ZNF595: variants seen among roughly 807,000 people sequenced by gnomAD.
ZNF595 encodes zinc finger protein 595.
ZNF595 carries 9 observed loss-of-function variants against 19.4 expected under a neutral mutation model. The observed-to-expected ratio is 0.46, with a 90% CI of 0.28 to 0.81. The LOEUF is 0.81. Among genes scored for constraint, ZNF595 ranks in the 30% least tolerant of loss-of-function variants. The probability of loss-of-function intolerance (pLI) is 0.11; values close to 1 mark genes in which losing one functional copy is unlikely to be tolerated. For missense variants in ZNF595, 729 were observed against 736.0 expected (o/e 0.99, Z 0.11); for synonymous variants, 255 against 255.9 (o/e 1.00, Z 0.03).
In ZNF595 at chr4:86,737, TG is replaced by T. The variant is rs781921017; in HGVS notation, c.1234del (p.Ala412LeufsTer56). ...AAGCTTTTTATAGGTCCTCACACCT[TG>T]CTAAACATAAGAGAATTCATACTGG... The part of the protein sequence containing the change: ...GKAFYRSSHL[A>X]KHKRIHTGEK... On this transcript the variant is annotated frameshift_variant, in exon 4 of 4. Transcript: ENST00000610261. LOFTEE classifies it high-confidence loss of function. 6.2e-7 allele frequency: 1 copy of T among 1,611,284 alleles called. No individual in the cohort carries two copies. The highest frequency in any genetic ancestry group is 8.5e-7 in the Non-Finnish European group (1 of 1,179,270).
chr4:54,940 G>T (rs2108742329), intron 1 of ZNF595, among the ~76,000 whole-genome samples: 1 of 152,408 alleles, frequency 6.6e-6, no homozygotes, highest in East Asian at 1.9e-4. Flanking sequence ...GGAGTGCAGT[G>T]GCGTGATCTC....
intron 3 of ZNF595, among the ~76,000 whole-genome samples, chr4:66,927 T>C (rs1431139128): frequency 1.1e-4 from 17 of 150,286 alleles, no homozygotes; most frequent in Non-Finnish European, 1.8e-4. Context: ...TCCTTTGAAA[T>C]TCCATGTAAA....
intron 3 of ZNF595, among the ~76,000 whole-genome samples, chr4:69,509 G>C (rs185236478): frequency 6.6e-6 from 1 of 152,116 alleles, no homozygotes; most frequent in Admixed American, 6.5e-5. Context: ...GGAGCACCTC[G>C]TCATATACCT....
Position 87,715 on chromosome 4 carries a change from A to AT in ZNF595, c.*287dup, listed in dbSNP as rs33985555. The AT allele has an allele frequency of 0.093, 10,904 of 117,548 alleles. 396 individuals are homozygous for AT. The highest frequency in any genetic ancestry group is 0.12 in the Non-Finnish European group (6,942 of 59,950). 7.3% of individuals were successfully genotyped at this position (117,548 alleles called of 1,614,324 possible). A position where few individuals can be genotyped will look rare whatever the true frequency, so the allele number is the denominator to read the frequency against. On this transcript the variant is annotated 3_prime_UTR_variant, in exon 4 of 4. Transcript: ENST00000610261. ...ACACACAGTCCAGTTATACACTTTA[A>AT]TTTTTTTTTTTTTTTTTTTTTTTGA...
chr4:66,666 A>G (rs1435253664), intron 3 of ZNF595, among the ~76,000 whole-genome samples: 2 of 151,746 alleles, frequency 1.3e-5, no homozygotes, highest in Non-Finnish European at 2.9e-5. Flanking sequence ...ATATGGATAT[A>G]CAGTTTTCCA....
chr4:86,080 A>T lies in ZNF595; in HGVS notation c.576A>T (p.Gly192=), dbSNP rs1205423266. The change falls in exon 4 of 4, where the codon GGA becomes GGT. Residue 192 remains glycine (G), a synonymous_variant. Transcript: ENST00000610261. ...TGTCACACCTAACTCAACATACAGGAATTCATGCTGGAGAGAAACCCTACA... is the reference window on the plus strand; with the variant it reads ...TGTCACACCTAACTCAACATACAGGTATTCATGCTGGAGAGAAACCCTACA... ...FYMSHLTQHT[G]IHAGEKPYKC... 7 of 1,613,326 alleles carry T rather than the reference A, an allele frequency of 4.3e-6. No homozygotes were observed. Among genetic ancestry groups the T allele is most frequent in the African/African-American group, 1.3e-5 (1 of 74,908 alleles).
intron 3 of ZNF595, among the ~76,000 whole-genome samples, chr4:76,981 C>A (rs879999865): frequency 4.6e-5 from 7 of 152,108 alleles, no homozygotes; most frequent in Admixed American, 3.3e-4. Context: ...AACTGAATGT[C>A]TGTATTCCTT....
At chr4:70,723 G>A (rs1213513243) in intron 3 of ZNF595, among the ~76,000 whole-genome samples, 1 of 152,170 alleles carries the variant, frequency 6.6e-6, no homozygotes, top group African/African-American at 2.4e-5. Flanking sequence ...CTGTTTTACT[G>A]ATCAGTCCCA....
intron 3 of ZNF595, among the ~76,000 whole-genome samples, chr4:74,793 C>G (rs1025775974): frequency 4.6e-5 from 7 of 152,148 alleles, no homozygotes; most frequent in African/African-American, 1.7e-4. Context: ...CAATCAGATT[C>G]ACATCTGTGT....
intron 3 of ZNF595, among the ~76,000 whole-genome samples, chr4:63,327 T>C (rs1712925464): frequency 1.4e-5 from 2 of 145,366 alleles, no homozygotes; most frequent in Non-Finnish European, 3.0e-5. Flanking sequence ...TTTACAATTG[T>C]GTTTTCTATT....
Position 87,669 on chromosome 4 carries a change from C to A in ZNF595, c.*218C>A. ...ATCAGAGTAAATGAGTTATTCTTCA[C>A]AAGCATTTGTTCTTTGTATTACACA... On this transcript the variant is annotated 3_prime_UTR_variant, in exon 4 of 4. Transcript: ENST00000610261. 2 of 336,020 alleles carry A rather than the reference C, an allele frequency of 6.0e-6. No individual in the cohort carries two copies. Among genetic ancestry groups the A allele is most frequent in the East Asian group, 4.9e-5 (1 of 20,344 alleles). 20.8% of individuals were successfully genotyped at this position (336,020 alleles called of 1,614,324 possible). A position where few individuals can be genotyped will look rare whatever the true frequency, so the allele number is the denominator to read the frequency against.
chr4:84,571 T>C (rs1714055798), intron 3 of ZNF595, among the ~76,000 whole-genome samples: 1 of 152,224 alleles, frequency 6.6e-6, no homozygotes, highest in African/African-American at 2.4e-5. Context: ...TCACTGGTTA[T>C]GTAAGACCAC....
chr4:80,641 T>A (rs2108760140), intron 3 of ZNF595, among the ~76,000 whole-genome samples: 1 of 152,032 alleles, frequency 6.6e-6, no homozygotes, highest in African/African-American at 2.4e-5. Context: ...GTCAAAGGGG[T>A]TGTTCTCTGG....
chr4:84,752 T>C (rs1490277026), intron 3 of ZNF595, among the ~76,000 whole-genome samples: 3 of 152,194 alleles, frequency 2.0e-5, no homozygotes, highest in Admixed American at 2.0e-4. Flanking sequence ...CTCATTACTT[T>C]TGTATTTTTC....
intron 3 of ZNF595, among the ~76,000 whole-genome samples, chr4:82,282 C>G (rs1484124608): frequency 6.6e-6 from 1 of 151,402 alleles, no homozygotes; most frequent in Non-Finnish European, 1.5e-5. Flanking sequence ...ATCGAACAGT[C>G]CAGATATCTT....
chr4:77,976 G>A (rs1467389407), intron 3 of ZNF595, among the ~76,000 whole-genome samples: 2 of 151,996 alleles, frequency 1.3e-5, no homozygotes, highest in Non-Finnish European at 2.9e-5. Flanking sequence ...AGGATACACA[G>A]CTGAGACCAA....
intron 3 of ZNF595, among the ~76,000 whole-genome samples, chr4:79,441 A>G (rs143534834): frequency 1.3e-5 from 2 of 152,206 alleles, no homozygotes; most frequent in Non-Finnish European, 2.9e-5. Flanking sequence ...CTGCTTTATC[A>G]TGTGGGTAAT....
At chr4:77,994 A>G (rs1249382007) in intron 3 of ZNF595, among the ~76,000 whole-genome samples, 1 of 151,740 alleles carries the variant, frequency 6.6e-6, no homozygotes, top group African/African-American at 2.4e-5. Flanking sequence ...CAAAGTCTTC[A>G]GGGTTTTTTG....
At chr4:85,070 G>C (rs1000445975) in intron 3 of ZNF595, among the ~76,000 whole-genome samples, 1 of 152,172 alleles carries the variant, frequency 6.6e-6, no homozygotes. Context: ...TGTTGTCTTT[G>C]ATAGAGATAA....
Sources: allele counts gnomAD v4.1 joint callset (sites outside exome capture counted in the v4.1 genomes callset), GRCh38; gene constraint gnomAD v4.1.1; transcripts MANE v1.5; gene names NCBI Gene and HGNC (gene_info 2026-07-23, HGNC 2026-07-21).